The following SDK1 variants were observed in gnomAD, a reference collection of about 807,000 sequenced individuals.
SDK1 encodes the protein protein sidekick-1.
In SDK1, 157 loss-of-function variants were observed where a neutral mutation model predicts 245.5. That is an observed-to-expected ratio of 0.64 (90% CI 0.56 to 0.73). The LOEUF (loss-of-function observed/expected upper bound fraction) is 0.73. SDK1 is among the 30% of genes least tolerant of loss of function. The pLI, the probability that SDK1 is intolerant of heterozygous loss-of-function variation, is 0.00. For missense variants in SDK1, 3,583 were observed against 3,002.3 expected (o/e 1.19, Z -4.52); for synonymous variants, 1,647 against 1,278.5 (o/e 1.29, Z -6.15).
chr7:3,597,824 A>T (rs1054281924), intron 1 of SDK1, among the ~76,000 whole-genome samples: 1 of 152,058 alleles, frequency 6.6e-6, no homozygotes, highest in Non-Finnish European at 1.5e-5. Flanking sequence ...TGAGTTTACC[A>T]GTTTGTTTCT....
intron 4 of SDK1, among the ~76,000 whole-genome samples, chr7:3,663,092 A>G (rs1783416802): frequency 6.6e-6 from 1 of 152,198 alleles, no homozygotes; most frequent in African/African-American, 2.4e-5. Context: ...AGGAGTGCAT[A>G]ATTAGATTAT....
At chr7:3,931,805 T>C (rs541528879) in intron 5 of SDK1, among the ~76,000 whole-genome samples, 1 of 152,338 alleles carries the variant, frequency 6.6e-6, no homozygotes, top group East Asian at 1.9e-4. Context: ...AGAGACCAAG[T>C]GAAATTTTTA....
intron 15 of SDK1, among the ~76,000 whole-genome samples, chr7:4,011,799 C>T (rs537990364): frequency 1.8e-4 from 27 of 152,246 alleles, no homozygotes; most frequent in African/African-American, 3.6e-4. Flanking sequence ...GGCCGACGAG[C>T]GGACGCATTC....
chr7:4,208,585 G>A (rs2128227819), intron 37 of SDK1, among the ~76,000 whole-genome samples: 1 of 152,322 alleles, frequency 6.6e-6, no homozygotes, highest in Middle Eastern at 3.4e-3. Flanking sequence ...CTGCAGCAAG[G>A]CCTCGTTCAT....
At chr7:3,499,551 G>A (rs774444009) in intron 1 of SDK1, among the ~76,000 whole-genome samples, 5 of 152,188 alleles carry the variant, frequency 3.3e-5, no homozygotes, top group South Asian at 2.1e-4. Context: ...AGGTAAACAC[G>A]TCAGGTTTGC....
intron 5 of SDK1, among the ~76,000 whole-genome samples, chr7:3,911,241 C>T (rs769268825): frequency 3.3e-5 from 5 of 152,174 alleles, no homozygotes; most frequent in Non-Finnish European, 7.3e-5. Context: ...GAATTTAAAA[C>T]CCATGCTTCT....
intron 4 of SDK1, among the ~76,000 whole-genome samples, chr7:3,765,142 G>T (rs1371215737): frequency 6.6e-6 from 1 of 152,030 alleles, no homozygotes; most frequent in Non-Finnish European, 1.5e-5. Context: ...GGTTTAGCTT[G>T]TACTAGAACA....
chr7:3,803,721 C>G (rs1251391912), intron 4 of SDK1, among the ~76,000 whole-genome samples: 1 of 149,456 alleles, frequency 6.7e-6, no homozygotes, highest in Non-Finnish European at 1.5e-5. Flanking sequence ...ATATTTTCTT[C>G]CAGTTTGCAA....
chr7:3,829,009 CAATTCTTTG>C (rs950627416), intron 5 of SDK1, among the ~76,000 whole-genome samples: 12 of 152,164 alleles, frequency 7.9e-5, no homozygotes, highest in African/African-American at 2.6e-4. Context: ...ATGATTAATA[CAATTCTTTG>C]AATCATGTGT....
chr7:4,161,796 G>A lies in SDK1; in HGVS notation c.4740G>A (p.Glu1580=). Residue 1580 remains glutamate, a synonymous_variant, in exon 32 of 45, where the codon GAG becomes GAA. Transcript: ENST00000404826. The part of the protein sequence containing the change: ...AVTTLQDVPG[E]PPGSVSATPH... ...TCCTGTGTGTTTCAGTTCCAGGAGAGCCCCCGGGATCTGTCTCAGCGACGC... is the reference window on the plus strand; with the variant it reads ...TCCTGTGTGTTTCAGTTCCAGGAGAACCCCCGGGATCTGTCTCAGCGACGC... The A allele has an allele frequency of 1.2e-6, 2 of 1,613,972 alleles. No individual in the cohort carries two copies. Among genetic ancestry groups the A allele is most frequent in the Non-Finnish European group, 1.7e-6 (2 of 1,179,852 alleles).
Position 3,815,598 on chromosome 7 carries a change from G to C in SDK1, c.714-5852G>C, listed in dbSNP as rs1464220029. On this transcript the variant is annotated intron_variant, in intron 4 of 44. Transcript: ENST00000404826. Reference sequence around the variant, plus strand: ...CTCTTTTTTGGTTGTGTCTCTGCCCGGCTTTGGTATCAGAATGATGCTGGC... The same window carrying C: ...CTCTTTTTTGGTTGTGTCTCTGCCCCGCTTTGGTATCAGAATGATGCTGGC... 3.8e-3 allele frequency among the ~76,000 whole-genome samples: 563 copies of C among 148,074 alleles called. 4 individuals carry two copies. The highest frequency in any genetic ancestry group is 0.01 in the Middle Eastern group (3 of 286).
chr7:4,268,678 T>C lies in SDK1; in HGVS notation c.*3294T>C, dbSNP rs902518770. 3 of 1,367,910 alleles carry C rather than the reference T, an allele frequency of 2.2e-6. No homozygotes were observed. The highest frequency in any genetic ancestry group is 2.9e-6 in the Non-Finnish European group (3 of 1,022,004). 84.7% of individuals were successfully genotyped at this position (1,367,910 alleles called of 1,614,324 possible). A position where few individuals can be genotyped will look rare whatever the true frequency, so the allele number is the denominator to read the frequency against. ...TTTCTTACGCATTCTTGGCACACAG[T>C]GTAGCTATCCTCCTGACGAGCAACC... On this transcript the variant is annotated 3_prime_UTR_variant, in exon 45 of 45. Coordinates refer to ENST00000404826, the MANE Select transcript of SDK1 (RefSeq NM_152744.4).
intron 22 of SDK1, among the ~76,000 whole-genome samples, chr7:4,081,825 T>C (rs1282789980): frequency 2.6e-5 from 4 of 152,158 alleles, no homozygotes; most frequent in African/African-American, 9.7e-5. Flanking sequence ...ATCCTCAAGA[T>C]TTTGCTGCAT....
intron 42 of SDK1, among the ~76,000 whole-genome samples, 179 bp from the exon 43 acceptor site, chr7:4,241,614 A>C (rs1240268321): frequency 6.6e-6 from 1 of 152,250 alleles, no homozygotes; most frequent in Non-Finnish European, 1.5e-5. Context: ...CAACACTGTG[A>C]TCAGTACCTA....
chr7:3,929,230 C>A (rs1047898855), intron 5 of SDK1, among the ~76,000 whole-genome samples: 1 of 152,242 alleles, frequency 6.6e-6, no homozygotes, highest in African/African-American at 2.4e-5. Context: ...CCGCCAAATT[C>A]CGTCACTGAT....
chr7:3,922,003 C>T (rs941971597), intron 5 of SDK1, among the ~76,000 whole-genome samples: 56 of 152,118 alleles, frequency 3.7e-4, no homozygotes, highest in African/African-American at 1.4e-3. Context: ...CCCTGGATTC[C>T]AGCCCCTGTT....
At chr7:3,386,224 A>G (rs1340388359) in intron 1 of SDK1, among the ~76,000 whole-genome samples, 1 of 152,222 alleles carries the variant, frequency 6.6e-6, no homozygotes, top group Non-Finnish European at 1.5e-5. Context: ...GTGTAAGGTT[A>G]GTGATACAAA....
intron 4 of SDK1, among the ~76,000 whole-genome samples, chr7:3,783,321 C>T (rs1372253319): frequency 6.6e-6 from 1 of 152,030 alleles, no homozygotes. Flanking sequence ...CTATTCTTGC[C>T]ACTTATATTT....
At chr7:3,817,039 A>G (rs1779523634) in intron 4 of SDK1, among the ~76,000 whole-genome samples, 1 of 152,178 alleles carries the variant, frequency 6.6e-6, no homozygotes, top group African/African-American at 2.4e-5. Context: ...TTTACTAAAC[A>G]TTTTACTGAA....
Sources: gnomAD v4.1 joint callset for allele counts (sites outside exome capture counted in the v4.1 genomes callset) on GRCh38, gnomAD v4.1.1 for gene constraint, MANE v1.5 for transcripts, NCBI Gene and HGNC (gene_info 2026-07-23, HGNC 2026-07-21) for gene names.